ASIC2: variants seen among roughly 807,000 people sequenced by gnomAD.
ASIC2 encodes acid sensing ion channel subunit 2.
ASIC2 carries 25 observed loss-of-function variants against 57.3 expected under a neutral mutation model. The ratio of observed to expected loss-of-function variants is 0.44; its 90% CI spans 0.32 to 0.61. The LOEUF (loss-of-function observed/expected upper bound fraction) is 0.61, where lower values mean the gene tolerates loss of function less well. ASIC2 is among the 20% of genes least tolerant of loss of function. The probability of loss-of-function intolerance (pLI) is 0.06; values close to 1 mark genes in which losing one functional copy is unlikely to be tolerated. For missense variants in ASIC2, 641 were observed against 738.1 expected (o/e 0.87, Z 1.52); for synonymous variants, 319 against 307.5 (o/e 1.04, Z -0.39).
chr17:33,023,659 C>T (rs1342721723), intron 6 of ASIC2, among the ~76,000 whole-genome samples: 1 of 152,070 alleles, frequency 6.6e-6, no homozygotes, highest in Non-Finnish European at 1.5e-5. Context: ...ACTGCAAGCT[C>T]CTTAAGGGCA....
chr17:33,832,541 G>C (rs1203463199), intron 1 of ASIC2, among the ~76,000 whole-genome samples: 1 of 152,186 alleles, frequency 6.6e-6, no homozygotes, highest in African/African-American at 2.4e-5. Flanking sequence ...AAGGTTGAAG[G>C]CTATCAAGTT....
At chr17:33,303,913 A>G (rs1567816829) in intron 1 of ASIC2, among the ~76,000 whole-genome samples, 1 of 152,258 alleles carries the variant, frequency 6.6e-6, no homozygotes, top group Non-Finnish European at 1.5e-5. Context: ...TAACATTGGT[A>G]AGTAATAAGA....
rs1434786342 is a variant in ASIC2 at position 33,856,500 on chromosome 17, G to GCA, written c.555+299477_555+299478insTG. Among the ~76,000 whole-genome samples, 33 of 17,066 alleles carry GCA rather than the reference G, an allele frequency of 1.9e-3. 1 individual carries two copies. The highest frequency in any genetic ancestry group is 2.9e-3 in the African/African-American group (18 of 6,218). 11.2% of individuals were successfully genotyped at this position (17,066 alleles called of 152,430 possible). ...TGGTGGTGGCAGTAGTAATAGTGTT[G>GCA]TCAGTAGTAGTGGTGGTGGTGGTAG... On this transcript the variant is annotated intron_variant, in intron 1 of 9. Transcript: ENST00000359872.
chr17:33,094,371 C>T (rs1385617305), intron 2 of ASIC2, among the ~76,000 whole-genome samples: 2 of 152,136 alleles, frequency 1.3e-5, no homozygotes, highest in Non-Finnish European at 2.9e-5. Flanking sequence ...GGTTTTGACA[C>T]CAGCTTCTTT....
rs565965221 is a variant in ASIC2 at position 33,951,264 on chromosome 17, C to G, written c.555+204714G>C. On this transcript the variant is annotated intron_variant, in intron 1 of 9. Coordinates refer to the ASIC2 transcript ENST00000359872. ...CTTCACAGTGGCCCTCGGTGGTAGG[C>G]CCTGTTATGATTTCCATTGTACAGA... Among the ~76,000 whole-genome samples the G allele has an allele frequency of 4.6e-5, 7 of 152,118 alleles. 1 individual carries two copies. Among genetic ancestry groups the G allele is most frequent in the African/African-American group, 1.7e-4 (7 of 41,508 alleles).
intron 1 of ASIC2, among the ~76,000 whole-genome samples, chr17:33,469,908 A>ATGGT (rs1473079738): frequency 3.9e-5 from 6 of 152,202 alleles, no homozygotes; most frequent in African/African-American, 1.4e-4. Context: ...GCCAGGCATT[A>ATGGT]TGGTAGGTGT....
chr17:33,213,587 C>T (rs895484870), intron 1 of ASIC2, among the ~76,000 whole-genome samples: 15 of 152,212 alleles, frequency 9.9e-5, no homozygotes, highest in African/African-American at 3.6e-4. Context: ...AGTTCAGGTC[C>T]TGTTACCATC....
chr17:34,154,104 T>TCTCTGTGTCACC (rs1598050043), intron 1 of ASIC2, among the ~76,000 whole-genome samples: 1 of 152,174 alleles, frequency 6.6e-6, no homozygotes, highest in African/African-American at 2.4e-5. Flanking sequence ...TTACAGTTTC[T>TCTCTGTGTCACC]CTCTGTGTCA....
intron 1 of ASIC2, among the ~76,000 whole-genome samples, chr17:33,685,854 C>T (rs1908169146): frequency 6.6e-6 from 1 of 152,160 alleles, no homozygotes; most frequent in African/African-American, 2.4e-5. Context: ...GTGCCCATAT[C>T]TCTGCTTAGC....
intron 1 of ASIC2, among the ~76,000 whole-genome samples, chr17:33,665,074 C>T (rs1907426140): frequency 6.6e-6 from 1 of 151,954 alleles, no homozygotes; most frequent in East Asian, 1.9e-4. Flanking sequence ...ACAAGAGGCT[C>T]AGAAAGGTGA....
intron 1 of ASIC2, among the ~76,000 whole-genome samples, chr17:33,767,014 C>T (rs1169973078): frequency 6.6e-6 from 1 of 152,236 alleles, no homozygotes; most frequent in Non-Finnish European, 1.5e-5. Flanking sequence ...AGAAACCACA[C>T]TGCTATTTGC....
chr17:34,153,779 T>C (rs1904615829), intron 1 of ASIC2, among the ~76,000 whole-genome samples: 1 of 152,328 alleles, frequency 6.6e-6, no homozygotes, highest in African/African-American at 2.4e-5. Flanking sequence ...GACACTCAAA[T>C]AGATTACTCT....
chr17:33,737,054 A>ACAC (rs1909936080), intron 1 of ASIC2, among the ~76,000 whole-genome samples: 1 of 152,250 alleles, frequency 6.6e-6, no homozygotes, highest in South Asian at 2.1e-4. Flanking sequence ...TTGTTTGGAG[A>ACAC]CACCACAATC....
intron 1 of ASIC2, among the ~76,000 whole-genome samples, chr17:34,086,768 G>A (rs1196603282): frequency 1.3e-5 from 2 of 152,184 alleles, no homozygotes; most frequent in African/African-American, 4.8e-5. Flanking sequence ...TCTTCTTGTT[G>A]AATTGATCCC....
intron 1 of ASIC2, among the ~76,000 whole-genome samples, chr17:33,744,190 A>G (rs1428418254): frequency 6.6e-6 from 1 of 152,246 alleles, no homozygotes; most frequent in Non-Finnish European, 1.5e-5. Flanking sequence ...AGAACCAGAG[A>G]AACAGACTGC....
At chr17:33,428,717 C>T (rs1445640430) in intron 1 of ASIC2, among the ~76,000 whole-genome samples, 2 of 152,208 alleles carry the variant, frequency 1.3e-5, no homozygotes, top group African/African-American at 4.8e-5. Context: ...CTTTGGAATG[C>T]AGGTGTGCCG....
intron 2 of ASIC2, among the ~76,000 whole-genome samples, chr17:33,108,231 C>T (rs758919398): frequency 6.6e-5 from 10 of 152,206 alleles, no homozygotes; most frequent in Non-Finnish European, 1.3e-4. Context: ...TTTTCTCTGT[C>T]TTCCTACACT....
At chr17:33,760,369 T>C (rs1567708492) in intron 1 of ASIC2, among the ~76,000 whole-genome samples, 1 of 152,096 alleles carries the variant, frequency 6.6e-6, no homozygotes, top group African/African-American at 2.4e-5. Context: ...CACCCAGATA[T>C]GTGCAATAAA....
intron 2 of ASIC2, among the ~76,000 whole-genome samples, chr17:33,095,301 A>C (rs1183699119): frequency 6.6e-6 from 1 of 151,936 alleles, no homozygotes; most frequent in Non-Finnish European, 1.5e-5. Context: ...CCACCTTTGC[A>C]CTCACCACCT....
Sources: gnomAD v4.1 joint callset for allele counts (sites outside exome capture counted in the v4.1 genomes callset) on GRCh38, gnomAD v4.1.1 for gene constraint, MANE v1.5 for transcripts, NCBI Gene and HGNC (gene_info 2026-07-23, HGNC 2026-07-21) for gene names.